BCAT2: variants seen among roughly 807,000 people sequenced by gnomAD.
The protein encoded by BCAT2 is branched chain amino acid transaminase 2.
In BCAT2, 44 loss-of-function variants were observed where a neutral mutation model predicts 52.9. The observed-to-expected ratio is 0.83, with a 90% CI of 0.65 to 1.07. BCAT2 has a LOEUF of 1.07. Ranked by LOEUF, BCAT2 falls within the 50% of genes least tolerant of loss-of-function variation. The pLI is 0.00. For missense variants in BCAT2, 478 were observed against 521.8 expected, an observed-to-expected ratio of 0.92 and a Z score of 0.82; for synonymous variants, 215 against 217.1, an observed-to-expected ratio of 0.99 and a Z score of 0.08.
chr19:48,804,740 C>G (rs1406259413), intron 3 of BCAT2, among the ~76,000 whole-genome samples: 1 of 152,042 alleles, frequency 6.6e-6, no homozygotes, highest in African/African-American at 2.4e-5. Context: ...TGCTCTCACT[C>G]AGCTGAAGAA....
At chr19:48,801,990 G>A (rs1016406197) in intron 3 of BCAT2, among the ~76,000 whole-genome samples, 27 of 151,686 alleles carry the variant, frequency 1.8e-4, no homozygotes, top group African/African-American at 6.5e-4. Flanking sequence ...TGTTGCCCAG[G>A]CTGGTCTTGA....
chr19:48,795,398 C>T lies in BCAT2; in HGVS notation c.*28G>A. The T allele has an allele frequency of 1.2e-6, 2 of 1,613,742 alleles. No homozygotes were observed. Among genetic ancestry groups the T allele is most frequent in the South Asian group, 1.1e-5 (1 of 91,038 alleles). ...GCTGGCGTGACGAGATGCTACGGGT[C>T]GGTGGATCTGGAGCACAGCCTGCAG... On this transcript the variant is annotated 3_prime_UTR_variant, in exon 11 of 11. Transcript: ENST00000316273.
chr19:48,798,788 C>T (rs1453690499), intron 6 of BCAT2: 2 of 106,086 alleles, frequency 1.9e-5, no homozygotes, highest in African/African-American at 8.3e-5. Context: ...CCAAGCCCGG[C>T]TAATTTTTTT....
rs942127019 is a variant in BCAT2 at position 48,799,340 on chromosome 19, G to A, written c.695+335C>T. ...ATGGGGAGCGCAGCCCAGCCTGGGG[G>A]ATCAGGGGAGGCTTCTGGGGCGAGA... On this transcript the variant is annotated intron_variant, in intron 6 of 10. Transcript: ENST00000316273. The surrounding 1 kb of genome is among the most constrained non-coding windows in gnomAD (Gnocchi z 5.5). The A allele has an allele frequency of 3.7e-5, 9 of 241,978 alleles. No homozygotes were observed. Among genetic ancestry groups the A allele is most frequent in the Non-Finnish European group, 7.1e-5 (9 of 127,136 alleles). The allele number at this position is 241,978 out of a possible 1,614,324, so 15.0% of individuals were successfully genotyped here. A position where few individuals can be genotyped will look rare whatever the true frequency, so the allele number is the denominator to read the frequency against.
Position 48,809,066 on chromosome 19 carries a change from C to CAAAAAAAAAAAA in BCAT2, c.24+1906_24+1917dup, listed in dbSNP as rs3057799. On this transcript the variant is annotated intron_variant, in intron 1 of 10. Transcript: ENST00000316273. ...CCAGCATGAGTGATAGAGTGTCTCT[C>CAAAAAAAAAAAA]AAAAAAAAAAAAAAAAAAAAAAAAA... Among the ~76,000 whole-genome samples, 2 of 28,954 alleles carry CAAAAAAAAAAAA rather than the reference C, an allele frequency of 6.9e-5. 1 individual carries two copies. The highest frequency in any genetic ancestry group is 2.4e-4 in the African/African-American group (2 of 8,272). 19.0% of individuals were successfully genotyped at this position (28,954 alleles called of 152,430 possible).
chr19:48,807,473 C>T lies in BCAT2; in HGVS notation c.25-399G>A. The T allele has an allele frequency of 5.4e-6, 1 of 185,752 alleles. No individual in the cohort carries two copies. Among genetic ancestry groups the T allele is most frequent in the South Asian group, 9.6e-5 (1 of 10,386 alleles). The allele number at this position is 185,752 out of a possible 1,614,324, so 11.5% of individuals were successfully genotyped here. On this transcript the variant is annotated intron_variant, in intron 1 of 10. Coordinates refer to ENST00000316273, the MANE Select transcript of BCAT2 (RefSeq NM_001190.4). This position sits in a 1 kb window ranked among gnomAD's most constrained non-coding sequence, Gnocchi z 4.6. ...CAAGGACCGACAGGTCCTGCTCCCCCAGAGCTCAGGGGTGCAGACCCCAGG... is the reference window on the plus strand; with the variant it reads ...CAAGGACCGACAGGTCCTGCTCCCCTAGAGCTCAGGGGTGCAGACCCCAGG...
Position 48,798,058 on chromosome 19 carries a change from G to T in BCAT2, c.696-725C>A, listed in dbSNP as rs539842234. On this transcript the variant is annotated intron_variant, in intron 6 of 10. Transcript: ENST00000316273. Reference sequence around the variant, plus strand: ...GCTGGGATTACAAGAGTGAGCCACAGCGCCCGGCCTTACTTTTTATATTTT... The same window carrying T: ...GCTGGGATTACAAGAGTGAGCCACATCGCCCGGCCTTACTTTTTATATTTT... Among the ~76,000 whole-genome samples, 5 of 152,192 alleles carry T rather than the reference G, an allele frequency of 3.3e-5. No individual in the cohort carries two copies. In the South Asian group the frequency reaches 1.0e-3, roughly 32 times the overall value.
intron 1 of BCAT2, among the ~76,000 whole-genome samples, chr19:48,809,261 G>A (rs897377909): frequency 6.6e-6 from 1 of 152,028 alleles, no homozygotes; most frequent in Admixed American, 6.6e-5. Context: ...GCAAGACTCG[G>A]TCAAAAAGAA....
chr19:48,807,067 G>A lies in BCAT2; in HGVS notation c.32C>T (p.Ala11Val). MAAAALGQIW[A>V]RKLLSVPWLL... Reference sequence around the variant, plus strand: ...CCAAGGGACAGAGAGAAGCTTTCGTGCCCAGATCTGGGTGGAGAAAGAAGT... The same window carrying A: ...CCAAGGGACAGAGAGAAGCTTTCGTACCCAGATCTGGGTGGAGAAAGAAGT... The change falls in exon 2 of 11, where the codon GCA becomes GTA. Residue 11 changes from alanine (A) to valine (V), a missense_variant. Coordinates refer to ENST00000316273, the MANE Select transcript of BCAT2 (RefSeq NM_001190.4). The surrounding 1 kb of genome is among the most constrained non-coding windows in gnomAD (Gnocchi z 4.6). 1 of 1,613,730 alleles carries A rather than the reference G, an allele frequency of 6.2e-7. No homozygotes were observed. The highest frequency in any genetic ancestry group is 8.5e-7 in the Non-Finnish European group (1 of 1,179,764).
chr19:48,797,125 A>T, intron 7 of BCAT2, 66 bp downstream of exon 7: 8 of 1,607,342 alleles, frequency 5.0e-6, no homozygotes, highest in Non-Finnish European at 6.8e-6. Flanking sequence ...GGGGCCTGTA[A>T]CCTGCCAGGA....
rs146438052 is a variant in BCAT2, at chr19:48,796,442, G to T, written c.1126C>A (p.Leu376Met). 1 of 1,614,014 alleles carries T rather than the reference G, an allele frequency of 6.2e-7. No homozygotes were observed. The highest frequency in any genetic ancestry group is 1.3e-5 in the African/African-American group (1 of 74,924). Residue 376 changes from leucine (L) to methionine (M), a missense_variant, in exon 10 of 11, where the codon CTG becomes ATG. Physicochemically the swap from Leu to Met is conservative, Grantham distance 15. Coordinates refer to ENST00000316273, the MANE Select transcript of BCAT2 (RefSeq NM_001190.4). ...CTGCAGCTCACCTGGATCTCCTTCA[G>T]CTCCTTCTGGAAGCGGAGGATCAGC... ...PELILRFQKE[L>M]KEIQYGIRAH...
In BCAT2 at chr19:48,797,028, G is replaced by A. The variant is rs777487766; in HGVS notation, c.839-6C>T. On this transcript the variant is annotated splice_polypyrimidine_tract_variant and splice_region_variant and intron_variant, in intron 7 of 10. Coordinates refer to ENST00000316273, the MANE Select transcript of BCAT2 (RefSeq NM_001190.4). ...GGGCGTCACCAGCTCCAGCACTAGGGCAGGTGTAAGGGGTGGAAGATGTTA... is the reference window on the plus strand; with the variant it reads ...GGGCGTCACCAGCTCCAGCACTAGGACAGGTGTAAGGGGTGGAAGATGTTA... The A allele has an allele frequency of 1.2e-6, 2 of 1,614,114 alleles. No individual in the cohort carries two copies. The highest frequency in any genetic ancestry group is 1.7e-5 in the Admixed American group (1 of 60,012).
At position 48,799,927 on chromosome 19, in the gene BCAT2, C is replaced by T; in HGVS notation, c.531+54G>A. On this transcript the variant is annotated intron_variant, in intron 5 of 10. Transcript: ENST00000316273. This position sits in a 1 kb window ranked among gnomAD's most constrained non-coding sequence, Gnocchi z 5.5. The stretch of plus-strand genomic sequence containing the variant: ...CAGGCCTCCAGGACCCCACCCCTGC[C>T]CTGCAGAATCCAACCCCCGCAGCCC... The T allele has an allele frequency of 1.2e-6, 2 of 1,607,722 alleles. No homozygotes were observed. The highest frequency in any genetic ancestry group is 1.7e-6 in the Non-Finnish European group (2 of 1,176,644).
At position 48,796,564 on chromosome 19, in the gene BCAT2, C is replaced by T; in HGVS notation, c.1065+14G>A. 2 of 1,610,934 alleles carry T rather than the reference C, an allele frequency of 1.2e-6. No individual in the cohort carries two copies. Among genetic ancestry groups the T allele is most frequent in the Non-Finnish European group, 8.5e-7 (1 of 1,178,890 alleles). The stretch of plus-strand genomic sequence containing the variant: ...CCTCCTTCCCTCCCACCCACAATGG[C>T]AGCCCCGCCTCACCCTGTCTTTGTA... On this transcript the variant is annotated intron_variant, in intron 9 of 10. Coordinates refer to ENST00000316273, the MANE Select transcript of BCAT2 (RefSeq NM_001190.4).
Position 48,807,849 on chromosome 19 carries a change from C to T in BCAT2, c.25-775G>A, listed in dbSNP as rs2034826475. ...AGGGGCCTGGGGAGCCACTGCAGTC[C>T]TCACTGCATGAGGCTCAGGCGGGTC... On this transcript the variant is annotated intron_variant, in intron 1 of 10. Coordinates refer to ENST00000316273, the MANE Select transcript of BCAT2 (RefSeq NM_001190.4). The surrounding 1 kb of genome is among the most constrained non-coding windows in gnomAD (Gnocchi z 4.6). 2 of 985,594 alleles carry T rather than the reference C, an allele frequency of 2.0e-6. No individual in the cohort carries two copies. The highest frequency in any genetic ancestry group is 3.5e-5 in the African/African-American group (2 of 57,252). The allele number at this position is 985,594 out of a possible 1,614,324, so 61.1% of individuals were successfully genotyped here.
chr19:48,797,283 C>T lies in BCAT2; in HGVS notation c.746G>A (p.Cys249Tyr). Residue 249 changes from cysteine (C) to tyrosine (Y), a missense_variant, in exon 7 of 11, where the codon TGT becomes TAT. Transcript: ENST00000316273. Reference sequence around the variant, plus strand: ...CCCATACAGCCAGAGGACCTGTTCACAGCCCCGCTTGAGTGCCTCCTGTTG... The same window carrying T: ...CCCATACAGCCAGAGGACCTGTTCATAGCCCCGCTTGAGTGCCTCCTGTTG... ...LVQQEALKRG[C>Y]EQVLWLYGPD... The T allele has an allele frequency of 6.2e-7, 1 of 1,614,150 alleles. No homozygotes were observed. The highest frequency in any genetic ancestry group is 1.3e-5 in the African/African-American group (1 of 75,062).
rs1568503947 is a variant in BCAT2, at chr19:48,795,394, G to C, written c.*32C>G. 7 of 1,613,684 alleles carry C rather than the reference G, an allele frequency of 4.3e-6. No individual in the cohort carries two copies. Among genetic ancestry groups the C allele is most frequent in the South Asian group, 1.1e-5 (1 of 91,046 alleles). On this transcript the variant is annotated 3_prime_UTR_variant, in exon 11 of 11. Coordinates refer to ENST00000316273, the MANE Select transcript of BCAT2 (RefSeq NM_001190.4). Reference sequence around the variant, plus strand: ...GAGTGCTGGCGTGACGAGATGCTACGGGTCGGTGGATCTGGAGCACAGCCT... The same window carrying C: ...GAGTGCTGGCGTGACGAGATGCTACCGGTCGGTGGATCTGGAGCACAGCCT...
intron 3 of BCAT2, among the ~76,000 whole-genome samples, chr19:48,804,971 G>A (rs2034735510): frequency 6.6e-6 from 1 of 151,802 alleles, no homozygotes; most frequent in Non-Finnish European, 1.5e-5. Flanking sequence ...GGGGAGAGGG[G>A]AAAAAACAAA....
rs1263023318 is a variant in BCAT2, at chr19:48,797,026, G to A, written c.839-4C>T. The A allele has an allele frequency of 6.2e-7, 1 of 1,614,046 alleles. No homozygotes were observed. The highest frequency in any genetic ancestry group is 2.2e-5 in the East Asian group (1 of 44,900). Reference sequence around the variant, plus strand: ...GGGGGCGTCACCAGCTCCAGCACTAGGGCAGGTGTAAGGGGTGGAAGATGT... The same window carrying A: ...GGGGGCGTCACCAGCTCCAGCACTAAGGCAGGTGTAAGGGGTGGAAGATGT... On this transcript the variant is annotated splice_polypyrimidine_tract_variant and splice_region_variant and intron_variant, in intron 7 of 10. Transcript: ENST00000316273.
Sources: gnomAD v4.1 joint callset for allele counts (sites outside exome capture counted in the v4.1 genomes callset) on GRCh38, gnomAD v4.1.1 for gene constraint, Gnocchi (gnomAD v3.1) non-coding constraint, MANE v1.5 for transcripts, NCBI Gene and HGNC (gene_info 2026-07-23, HGNC 2026-07-21) for gene names.